DPP6: variants seen among roughly 807,000 people sequenced by gnomAD.
DPP6 encodes dipeptidyl peptidase like 6.
In DPP6, 69 loss-of-function variants were observed where a neutral mutation model predicts 122.6. The observed-to-expected ratio is 0.56, with a 90% CI of 0.46 to 0.69. The LOEUF is 0.69. Among genes scored for constraint, DPP6 ranks in the 30% least tolerant of loss-of-function variants. The pLI is 0.00. For synonymous variants in DPP6, 418 were observed against 433.1 expected, an observed-to-expected ratio of 0.97 and a Z score of 0.43; for missense variants, 928 against 1,116.9, an observed-to-expected ratio of 0.83 and a Z score of 2.41.
intron 6 of DPP6, among the ~76,000 whole-genome samples, chr7:154,647,530 C>T (rs932102790): frequency 6.6e-6 from 1 of 152,072 alleles, no homozygotes; most frequent in Non-Finnish European, 1.5e-5. Flanking sequence ...CCGGCTCTTC[C>T]GGGGTCTGTC....
chr7:154,749,052 G>T (rs1018041816), intron 8 of DPP6, among the ~76,000 whole-genome samples: 4 of 150,860 alleles, frequency 2.7e-5, no homozygotes, highest in Non-Finnish European at 4.4e-5. Flanking sequence ...ACTGAGAGAG[G>T]GTGAGGGAGC....
At position 154,474,973 on chromosome 7, in the gene DPP6, C is replaced by G. The variant is rs1822598467; in HGVS notation, c.393C>G (p.Val131=). 6.2e-7 allele frequency: 1 copy of G among 1,613,646 alleles called. No individual in the cohort carries two copies. The highest frequency in any genetic ancestry group is 1.3e-5 in the African/African-American group (1 of 75,000). The change falls in exon 3 of 26, where the codon GTC becomes GTG. Residue 131 remains valine (V), a synonymous_variant. Coordinates refer to ENST00000377770, the MANE Select transcript of DPP6 (RefSeq NM_130797.4). Reference sequence around the variant, plus strand: ...ATAGTCTGTCTCAAAAGAAGAAGGTCACTGTAGAAGATCTCTTCAGTGAAG... The same window carrying G: ...ATAGTCTGTCTCAAAAGAAGAAGGTGACTGTAGAAGATCTCTTCAGTGAAG... ...EDNSLSQKKK[V]TVEDLFSEDF... is the part of the protein sequence containing the mutation.
the DPP6 span, among the ~76,000 whole-genome samples, chr7:153,872,884 C>G: frequency 1.3e-5 from 2 of 152,236 alleles, no homozygotes; most frequent in East Asian, 3.8e-4. Flanking sequence ...GAATAACCAA[C>G]TACAATTGAA....
At chr7:153,794,680 G>T in the DPP6 span, among the ~76,000 whole-genome samples, 1 of 152,098 alleles carries the variant, frequency 6.6e-6, no homozygotes, top group African/African-American at 2.4e-5. Flanking sequence ...GGCCAGGGAT[G>T]GAATGATATG....
chr7:153,791,506 C>T, the DPP6 span, among the ~76,000 whole-genome samples: 14 of 141,342 alleles, frequency 9.9e-5, no homozygotes, highest in African/African-American at 3.6e-4. Flanking sequence ...GCAACCTCTG[C>T]CTCCCAGGTG....
chr7:154,792,442 G>A (rs1448382514), intron 10 of DPP6, among the ~76,000 whole-genome samples: 1 of 152,240 alleles, frequency 6.6e-6, no homozygotes, highest in Non-Finnish European at 1.5e-5. Flanking sequence ...TATATTTAAG[G>A]ACAAAAGTGA....
intron 1 of DPP6, among the ~76,000 whole-genome samples, chr7:153,916,135 GT>G (rs75604145): frequency 4.6e-4 from 66 of 143,022 alleles, no homozygotes; most frequent in East Asian, 2.5e-3. Flanking sequence ...CCTGGCTAAT[GT>G]TTTTTTTTTT....
chr7:154,152,783 CT>C (rs1288981490), intron 1 of DPP6, among the ~76,000 whole-genome samples: 1 of 152,248 alleles, frequency 6.6e-6, no homozygotes, highest in Non-Finnish European at 1.5e-5. Context: ...CAGCATTTTC[CT>C]GAACACACAA....
the DPP6 span, among the ~76,000 whole-genome samples, chr7:153,756,775 T>C: frequency 4.1e-3 from 625 of 151,886 alleles, 6 homozygotes; most frequent in African/African-American, 0.014. Context: ...TAAATTACTT[T>C]TATGACTTCC....
the DPP6 span, among the ~76,000 whole-genome samples, chr7:153,785,602 C>A: frequency 6.6e-5 from 10 of 152,230 alleles, no homozygotes; most frequent in East Asian, 1.9e-3. Context: ...TAGTGCCCCA[C>A]AAATCAATTT....
intron 7 of DPP6, among the ~76,000 whole-genome samples, chr7:154,698,430 G>C (rs766093931): frequency 2.0e-5 from 3 of 152,032 alleles, no homozygotes; most frequent in African/African-American, 7.3e-5. Flanking sequence ...GCGAATTGTC[G>C]TCCGTATGCC....
chr7:153,841,671 A>G, the DPP6 span, among the ~76,000 whole-genome samples: 1 of 152,224 alleles, frequency 6.6e-6, no homozygotes, highest in Non-Finnish European at 1.5e-5. Context: ...ACAAATGCAT[A>G]AATCTTAAAG....
intron 1 of DPP6, among the ~76,000 whole-genome samples, chr7:154,286,585 A>G (rs1485203052): frequency 6.6e-6 from 1 of 152,068 alleles, no homozygotes; most frequent in East Asian, 1.9e-4. Flanking sequence ...AAGCTTTCCA[A>G]ATGGTTGTTT....
intron 5 of DPP6, among the ~76,000 whole-genome samples, chr7:154,598,240 T>C (rs1833218386): frequency 1.3e-5 from 2 of 152,334 alleles, no homozygotes; most frequent in South Asian, 2.1e-4. Context: ...TACACTTAAA[T>C]TTCCAGTCCT....
intron 25 of DPP6, among the ~76,000 whole-genome samples, chr7:154,891,560 C>G (rs1361303675): frequency 6.6e-6 from 1 of 152,136 alleles, no homozygotes; most frequent in Non-Finnish European, 1.5e-5. Context: ...TGGGGTGGGC[C>G]CGTGGGCACC....
intron 1 of DPP6, among the ~76,000 whole-genome samples, chr7:154,160,218 A>G (rs1796909764): frequency 6.6e-6 from 1 of 152,022 alleles, no homozygotes; most frequent in Non-Finnish European, 1.5e-5. Flanking sequence ...CGGGACCTCC[A>G]GGTGTTTCTG....
rs1284046063 is a variant in DPP6, at chr7:154,868,027, A to G, written c.1747A>G (p.Lys583Glu). The change falls in exon 18 of 26, where the codon AAG becomes GAG. Residue 583 changes from lysine to glutamate, a missense_variant. Transcript: ENST00000377770. ...MFDLETNEHVKKAINDRQMPK... is the reference protein window; with the variant it reads ...MFDLETNEHVEKAINDRQMPK... ...TGACCTAGAAACAAATGAACATGTC[A>G]AGAAGGCCATAAATGACCGACAGAT... is the stretch of plus-strand genomic sequence containing the variant. 1 of 1,607,580 alleles carries G rather than the reference A, an allele frequency of 6.2e-7. No homozygotes were observed. The highest frequency in any genetic ancestry group is 1.1e-5 in the South Asian group (1 of 89,018).
chr7:154,749,034 GA>G (rs1207579235), intron 8 of DPP6, among the ~76,000 whole-genome samples: 9 of 151,380 alleles, frequency 5.9e-5, no homozygotes, highest in Admixed American at 5.3e-4. Flanking sequence ...GAGAGGGATG[GA>G]GGCTTTACTG....
chr7:154,824,704 G>C (rs1800028334), intron 16 of DPP6, among the ~76,000 whole-genome samples: 1 of 152,238 alleles, frequency 6.6e-6, no homozygotes, highest in African/African-American at 2.4e-5. Context: ...CTTAATTATT[G>C]ATGCTAATGA....
Sources: allele counts gnomAD v4.1 joint callset (sites outside exome capture counted in the v4.1 genomes callset), GRCh38; gene constraint gnomAD v4.1.1; transcripts MANE v1.5; gene names NCBI Gene and HGNC (gene_info 2026-07-23, HGNC 2026-07-21).